Variants in DNAJC6 observed in about 807,000 individuals in gnomAD.
The protein encoded by DNAJC6 is auxilin.
In DNAJC6, 34 loss-of-function variants were observed where a neutral mutation model predicts 110.0. The observed-to-expected ratio is 0.31, with a 90% CI of 0.24 to 0.41. The LOEUF is 0.41. DNAJC6 is among the 10% of genes least tolerant of loss of function. DNAJC6 has a pLI of 1.00. For synonymous variants in DNAJC6, 406 were observed against 437.2 expected, an observed-to-expected ratio of 0.93 and a Z score of 0.89; for missense variants, 1,031 against 1,207.8, an observed-to-expected ratio of 0.85 and a Z score of 2.17.
At chr1:65,395,626 A>T (rs1191026052) in intron 13 of DNAJC6, among the ~76,000 whole-genome samples, 2 of 152,190 alleles carry the variant, frequency 1.3e-5, no homozygotes, top group African/African-American at 4.8e-5. Context: ...CATCTCATCA[A>T]TATTTTTATA....
At chr1:65,394,404 TA>T (rs2101617297) in intron 12 of DNAJC6, among the ~76,000 whole-genome samples, 1 of 152,320 alleles carries the variant, frequency 6.6e-6, no homozygotes, top group South Asian at 2.1e-4. Flanking sequence ...TCCCAGGACT[TA>T]ACTGTCTGTG....
chr1:65,387,488 T>A (rs1645884146), intron 8 of DNAJC6, among the ~76,000 whole-genome samples: 1 of 152,210 alleles, frequency 6.6e-6, no homozygotes, highest in Non-Finnish European at 1.5e-5. Flanking sequence ...TAACCACTGA[T>A]CTACATTCTG....
rs151196178 is a variant in DNAJC6 at position 65,331,990 on chromosome 1, C to A, written c.193+22052C>A. On this transcript the variant is annotated intron_variant, in intron 1 of 18. Coordinates refer to ENST00000371069, the MANE Select transcript of DNAJC6 (RefSeq NM_001256864.2). The stretch of plus-strand genomic sequence containing the variant: ...CCACATGTTCCTTACTCTGGGGGGG[C>A]CTGGACTTCTATTTCCTCATGTCCT... Among the ~76,000 whole-genome samples, 481 of 152,248 alleles carry A rather than the reference C, an allele frequency of 3.2e-3. 2 individuals carry two copies. The highest frequency in any genetic ancestry group is 0.011 in the African/African-American group (458 of 41,548).
intron 4 of DNAJC6, among the ~76,000 whole-genome samples, chr1:65,373,043 T>C (rs1042935394): frequency 2.0e-5 from 3 of 152,172 alleles, no homozygotes; most frequent in Non-Finnish European, 4.4e-5. Context: ...TTTCTGCATA[T>C]GAGTAAAAAA....
At chr1:65,366,277 G>T in intron 4 of DNAJC6, 81 bp downstream of exon 4, 2 of 1,473,450 alleles carry the variant, frequency 1.4e-6, no homozygotes, top group South Asian at 1.3e-5. Flanking sequence ...TAAAGCACGT[G>T]CCCTTAGGCA....
intron 1 of DNAJC6, among the ~76,000 whole-genome samples, chr1:65,355,712 A>T (rs1352867385): frequency 6.6e-6 from 1 of 152,126 alleles, no homozygotes; most frequent in African/African-American, 2.4e-5. Context: ...GAAACTTCAG[A>T]GTGATAAAGA....
At chr1:65,285,382 C>G (rs769103775) in intron 1 of DNAJC6, among the ~76,000 whole-genome samples, 23 of 152,304 alleles carry the variant, frequency 1.5e-4, no homozygotes, top group Admixed American at 2.6e-4. Flanking sequence ...GTACACCTCC[C>G]AATTCAGTCT....
intron 2 of DNAJC6, among the ~76,000 whole-genome samples, chr1:65,365,669 T>C (rs1263822086): frequency 6.6e-6 from 1 of 152,126 alleles, no homozygotes; most frequent in African/African-American, 2.4e-5. Flanking sequence ...ACAAGGGCAT[T>C]AGAATGCACC....
At chr1:65,309,228 A>C, upstream of DNAJC6, among the ~76,000 whole-genome samples, 2 of 150,978 alleles carry the variant, frequency 1.3e-5, no homozygotes, top group Non-Finnish European at 1.5e-5. Context: ...CACCCTCCCA[A>C]CCCACGTCGT....
chr1:65,316,518 G>A (rs984111144), intron 1 of DNAJC6, among the ~76,000 whole-genome samples: 2 of 152,160 alleles, frequency 1.3e-5, no homozygotes, highest in East Asian at 3.9e-4. Flanking sequence ...TCAGAGCAAG[G>A]CTGGGTCTTA....
At chr1:65,266,147 T>G (rs927302360) in intron 1 of DNAJC6, among the ~76,000 whole-genome samples, 16 of 152,204 alleles carry the variant, frequency 1.1e-4, no homozygotes, top group Admixed American at 9.2e-4. Flanking sequence ...GCCCCAAAGC[T>G]CTCTGCGCGC....
chr1:65,283,867 C>A (rs1653928534), intron 1 of DNAJC6, among the ~76,000 whole-genome samples: 1 of 152,092 alleles, frequency 6.6e-6, no homozygotes, highest in Non-Finnish European at 1.5e-5. Flanking sequence ...TGTAGTGATA[C>A]ATTGACTTTT....
chr1:65,315,295 T>TA (rs1466948578), intron 1 of DNAJC6, among the ~76,000 whole-genome samples: 5 of 152,180 alleles, frequency 3.3e-5, no homozygotes, highest in Middle Eastern at 3.4e-3. Context: ...GTTTTTTTTT[T>TA]TTATTATTTT....
chr1:65,354,243 A>G lies in DNAJC6; in HGVS notation c.194-10392A>G, dbSNP rs532932489. On this transcript the variant is annotated intron_variant, in intron 1 of 18. Coordinates refer to ENST00000371069, the MANE Select transcript of DNAJC6 (RefSeq NM_001256864.2). ...AATGGAGGCATGAGAGACAAAAAGTACCTCTTGAAAGAGGCAGGATGGGGA... is the reference window on the plus strand; with the variant it reads ...AATGGAGGCATGAGAGACAAAAAGTGCCTCTTGAAAGAGGCAGGATGGGGA... 1.1e-4 allele frequency among the ~76,000 whole-genome samples: 16 copies of G among 152,266 alleles called. No homozygotes were observed. The South Asian group carries it at 3.3e-3, about 32-fold the overall frequency.
At chr1:65,397,273 A>ATTG (rs377241250) in intron 13 of DNAJC6, among the ~76,000 whole-genome samples, 27,158 of 151,994 alleles carry the variant, frequency 0.18, 5,399 homozygotes, top group East Asian at 0.58. Context: ...GGGAGGTCAG[A>ATTG]CATCCTCAGG....
At chr1:65,374,194 A>G (rs1570343443) in intron 4 of DNAJC6, among the ~76,000 whole-genome samples, 2 of 152,070 alleles carry the variant, frequency 1.3e-5, no homozygotes, top group African/African-American at 4.8e-5. Flanking sequence ...CTTTGTAAAA[A>G]ACTTTGAAGT....
At chr1:65,298,244 TG>T (rs1386751172) in intron 1 of DNAJC6, among the ~76,000 whole-genome samples, 1 of 152,152 alleles carries the variant, frequency 6.6e-6, no homozygotes, top group Non-Finnish European at 1.5e-5. Context: ...TGAGATCTGT[TG>T]GGCAGCAAGG....
intron 4 of DNAJC6, among the ~76,000 whole-genome samples, chr1:65,372,134 A>G (rs1645711891): frequency 6.8e-6 from 1 of 146,426 alleles, no homozygotes; most frequent in Non-Finnish European, 1.5e-5. Context: ...CATTACAGAT[A>G]TTGACATTTG....
At chr1:65,374,767 T>G (rs1343179163) in intron 4 of DNAJC6, among the ~76,000 whole-genome samples, 1 of 152,152 alleles carries the variant, frequency 6.6e-6, no homozygotes, top group Non-Finnish European at 1.5e-5. Flanking sequence ...TTAGATGTCC[T>G]TTATTTCTTT....
Sources: gnomAD v4.1 joint callset for allele counts (sites outside exome capture counted in the v4.1 genomes callset) on GRCh38, gnomAD v4.1.1 for gene constraint, MANE v1.5 for transcripts, NCBI Gene and HGNC (gene_info 2026-07-23, HGNC 2026-07-21) for gene names.